CACNB4: variants seen among roughly 807,000 people sequenced by gnomAD.
CACNB4 encodes the protein voltage-dependent L-type calcium channel subunit beta-4.
Under a neutral mutation model 71.2 loss-of-function variants are expected in CACNB4, and 32 were observed. The observed-to-expected ratio is 0.45, with a 90% CI of 0.34 to 0.60. The LOEUF (loss-of-function observed/expected upper bound fraction) is 0.60, where lower values mean the gene tolerates loss of function less well. CACNB4 is among the 20% of genes least tolerant of loss of function. The probability of loss-of-function intolerance (pLI) is 0.01; values close to 1 mark genes in which losing one functional copy is unlikely to be tolerated. For missense variants in CACNB4, 464 were observed against 647.9 expected (o/e 0.72, Z 3.08); for synonymous variants, 231 against 236.9 (o/e 0.97, Z 0.23).
chr2:151,845,693 C>A (rs958986902), intron 12 of CACNB4, among the ~76,000 whole-genome samples: 2 of 152,220 alleles, frequency 1.3e-5, no homozygotes, highest in Non-Finnish European at 2.9e-5. Flanking sequence ...CTCGGTGATA[C>A]CATGCCCTTG....
chr2:151,903,234 C>T (rs1174831128), intron 2 of CACNB4, among the ~76,000 whole-genome samples: 1 of 152,054 alleles, frequency 6.6e-6, no homozygotes, highest in African/African-American at 2.4e-5. Flanking sequence ...TACTTTGAGG[C>T]CGGGCATGGT....
chr2:151,917,834 CAAAAAAAA>C (rs35688438), intron 2 of CACNB4, among the ~76,000 whole-genome samples: 1 of 116,244 alleles, frequency 8.6e-6, no homozygotes, highest in East Asian at 2.5e-4. Context: ...GACACTGTCT[CAAAAAAAA>C]AAAAAAAAAA....
chr2:151,918,962 G>A (rs1322815255), intron 2 of CACNB4, among the ~76,000 whole-genome samples: 1 of 152,142 alleles, frequency 6.6e-6, no homozygotes, highest in East Asian at 1.9e-4. Flanking sequence ...CAAAAGGTAT[G>A]TAGGAGGGCT....
intron 2 of CACNB4, among the ~76,000 whole-genome samples, chr2:151,936,621 T>C (rs890838282): frequency 1.3e-5 from 2 of 152,272 alleles, no homozygotes; most frequent in Non-Finnish European, 2.9e-5. Flanking sequence ...ATTTAATTCC[T>C]TGGTCATTTG....
chr2:151,889,890 G>A (rs1261423094), intron 2 of CACNB4, among the ~76,000 whole-genome samples: 3 of 152,148 alleles, frequency 2.0e-5, no homozygotes, highest in Admixed American at 6.6e-5. Flanking sequence ...GAAAGACACA[G>A]TCACTCCCAT....
intron 2 of CACNB4, among the ~76,000 whole-genome samples, chr2:152,089,890 C>T (rs1168996719): frequency 4.6e-5 from 7 of 151,964 alleles, no homozygotes; most frequent in South Asian, 2.1e-4. Context: ...GCAGGGAACA[C>T]GACCCTGTCT....
At chr2:151,919,241 T>C (rs1271236403) in intron 2 of CACNB4, among the ~76,000 whole-genome samples, 1 of 152,158 alleles carries the variant, frequency 6.6e-6, no homozygotes, top group Non-Finnish European at 1.5e-5. Flanking sequence ...ACTTTTCTTT[T>C]CTTTGAGTGA....
At chr2:151,878,208 A>G (rs1031645776) in intron 4 of CACNB4, among the ~76,000 whole-genome samples, 2 of 151,998 alleles carry the variant, frequency 1.3e-5, no homozygotes, top group Non-Finnish European at 2.9e-5. Flanking sequence ...GTGTGTGTAT[A>G]TATATATATA....
chr2:152,019,683 G>T (rs755156637), intron 2 of CACNB4, among the ~76,000 whole-genome samples: 6 of 152,182 alleles, frequency 3.9e-5, no homozygotes, highest in Non-Finnish European at 7.4e-5. Context: ...GTTAAAAGAG[G>T]TTAAATGGCA....
intron 2 of CACNB4, among the ~76,000 whole-genome samples, chr2:151,978,722 G>C (rs16830539): frequency 0.063 from 9,547 of 152,194 alleles, 595 homozygotes; most frequent in Admixed American, 0.19. Context: ...CTAAAGCCCT[G>C]ATGCCCTTGC....
At chr2:151,946,711 T>C (rs753278054) in intron 2 of CACNB4, among the ~76,000 whole-genome samples, 3 of 151,740 alleles carry the variant, frequency 2.0e-5, no homozygotes, top group Non-Finnish European at 4.4e-5. Flanking sequence ...CCTGGTACAA[T>C]GGGGTGGAAA....
intron 3 of CACNB4, among the ~76,000 whole-genome samples, chr2:151,882,244 AC>A (rs199884628): frequency 1.7e-3 from 205 of 122,870 alleles, no homozygotes; most frequent in African/African-American, 6.2e-3. Context: ...GCTGGAGTGC[AC>A]TGGTGTGATC....
At chr2:151,887,797 C>T (rs567073276) in intron 2 of CACNB4, among the ~76,000 whole-genome samples, 1 of 152,254 alleles carries the variant, frequency 6.6e-6, no homozygotes, top group Non-Finnish European at 1.5e-5. Flanking sequence ...TGGTGCTTGG[C>T]TCCAGATGAA....
intron 8 of CACNB4, 54 bp downstream of exon 8, chr2:151,870,477 A>G: frequency 7.0e-7 from 1 of 1,434,332 alleles, no homozygotes. Context: ...CGTCAACATG[A>G]CTGTCTCCTG....
intron 2 of CACNB4, among the ~76,000 whole-genome samples, chr2:151,919,812 AG>A (rs1244996131): frequency 6.6e-6 from 1 of 152,206 alleles, no homozygotes; most frequent in African/African-American, 2.4e-5. Context: ...ACCTTAAAAG[AG>A]GTATGACTTA....
intron 12 of CACNB4, 46 bp from the exon 13 acceptor site, chr2:151,842,134 G>C: frequency 6.5e-7 from 1 of 1,537,780 alleles, no homozygotes; most frequent in South Asian, 1.1e-5. Flanking sequence ...TTAGGTTTTA[G>C]GCAATGAAAC....
chr2:151,884,704 A>G (rs1025346294), intron 2 of CACNB4, among the ~76,000 whole-genome samples: 1 of 151,184 alleles, frequency 6.6e-6, no homozygotes, highest in Non-Finnish European at 1.5e-5. Flanking sequence ...TAAAAAGTCA[A>G]CCCCTTCCTT....
At chr2:152,053,366 T>C (rs1228993015) in intron 2 of CACNB4, among the ~76,000 whole-genome samples, 3 of 152,188 alleles carry the variant, frequency 2.0e-5, no homozygotes, top group Non-Finnish European at 4.4e-5. Flanking sequence ...TGTGGATTGC[T>C]GAGTTTGTGC....
chr2:151,987,972 T>G (rs1560111880), intron 2 of CACNB4, among the ~76,000 whole-genome samples: 1 of 152,350 alleles, frequency 6.6e-6, no homozygotes, highest in South Asian at 2.1e-4. Context: ...ACTTTCCTTT[T>G]GAAAATGATT....
Sources: allele counts gnomAD v4.1 joint callset (sites outside exome capture counted in the v4.1 genomes callset), GRCh38; gene constraint gnomAD v4.1.1; transcripts MANE v1.5; gene names NCBI Gene and HGNC (gene_info 2026-07-23, HGNC 2026-07-21).